The following OTOGL variants were observed in gnomAD, a reference collection of about 807,000 sequenced individuals.
OTOGL encodes the protein otogelin like.
In OTOGL, 285 loss-of-function variants were observed where a neutral mutation model predicts 318.5. That is an observed-to-expected ratio of 0.89 (90% CI 0.81 to 0.99). The LOEUF (loss-of-function observed/expected upper bound fraction) is 0.99. Among genes scored for constraint, OTOGL ranks in the 50% least tolerant of loss-of-function variants. The probability of loss-of-function intolerance (pLI) is 0.00; values close to 1 mark genes in which losing one functional copy is unlikely to be tolerated. For synonymous variants in OTOGL, 987 were observed against 936.5 expected (o/e 1.05, Z -0.99); for missense variants, 2,899 against 2,845.6 (o/e 1.02, Z -0.43).
intron 19 of OTOGL, 141 bp downstream of exon 19, chr12:80,262,234 T>G (rs764971304): frequency 4.5e-5 from 43 of 951,360 alleles, no homozygotes; most frequent in Non-Finnish European, 5.9e-5. Flanking sequence ...CGTGTATTTT[T>G]TTTTTGCTTA....
intron 4 of OTOGL, among the ~76,000 whole-genome samples, chr12:80,212,764 T>C (rs1877364978): frequency 6.6e-6 from 1 of 152,198 alleles, no homozygotes; most frequent in African/African-American, 2.4e-5. Flanking sequence ...ATAGTTTTTA[T>C]TAGCGTTTTG....
chr12:80,319,123 G>A (rs574166389), intron 33 of OTOGL, among the ~76,000 whole-genome samples: 58 of 152,278 alleles, frequency 3.8e-4, no homozygotes, highest in African/African-American at 1.4e-3. Flanking sequence ...ATAAATCAGA[G>A]TGTAGACAGT....
chr12:80,343,265 G>T (rs1888901155), intron 44 of OTOGL, among the ~76,000 whole-genome samples: 1 of 152,004 alleles, frequency 6.6e-6, no homozygotes, highest in Admixed American at 6.6e-5. Context: ...ACAATGCAAT[G>T]GTCCCTCAGT....
intron 26 of OTOGL, among the ~76,000 whole-genome samples, chr12:80,292,111 C>T (rs2137685386): frequency 6.6e-6 from 1 of 152,190 alleles, no homozygotes; most frequent in African/African-American, 2.4e-5. Context: ...GCTTCAACCT[C>T]CCAAGTAGCT....
intron 20 of OTOGL, chr12:80,265,431 A>G (rs992189911): frequency 1.6e-5 from 9 of 549,928 alleles, no homozygotes; most frequent in South Asian, 2.3e-5. Flanking sequence ...GTAATAAACG[A>G]AATTATTGTA....
At chr12:80,223,200 G>C (rs112953423) in intron 7 of OTOGL, among the ~76,000 whole-genome samples, 3,365 of 151,878 alleles carry the variant, frequency 0.022, 132 homozygotes, top group African/African-American at 0.076. Flanking sequence ...CAGGTTGCTG[G>C]AAATGCCATT....
At chr12:80,157,969 A>G (rs1332117108) in intron 1 of OTOGL, among the ~76,000 whole-genome samples, 1 of 152,064 alleles carries the variant, frequency 6.6e-6, no homozygotes, top group African/African-American at 2.4e-5. Flanking sequence ...TGTGAAAAAA[A>G]TTTTTAATCT....
intron 18 of OTOGL, among the ~76,000 whole-genome samples, chr12:80,260,464 C>T (rs182371495): frequency 5.3e-4 from 81 of 152,150 alleles, no homozygotes; most frequent in South Asian, 8.3e-4. Flanking sequence ...CACCAGTCCC[C>T]GCCACGTGTA....
At chr12:80,301,863 T>A (rs1417979907) in intron 27 of OTOGL, among the ~76,000 whole-genome samples, 5 of 152,314 alleles carry the variant, frequency 3.3e-5, no homozygotes, top group Non-Finnish European at 7.3e-5. Flanking sequence ...TCATGCCTTT[T>A]ACTCACAAAT....
At position 80,302,530 on chromosome 12, in the gene OTOGL, T is replaced by G; in HGVS notation, c.3064-104T>G. 2 of 731,212 alleles carry G rather than the reference T, an allele frequency of 2.7e-6. 1 individual carries two copies. Among genetic ancestry groups the G allele is most frequent in the Non-Finnish European group, 3.8e-6 (2 of 526,422 alleles). The allele number at this position is 731,212 out of a possible 1,614,324, so 45.3% of individuals were successfully genotyped here. On this transcript the variant is annotated intron_variant, in intron 27 of 58. Coordinates refer to ENST00000547103, the MANE Select transcript of OTOGL (RefSeq NM_001378609.3). ...GAAAAGGCATGACCATGCAACAATA[T>G]TAGTACATAAATAGTTGTTGGTAAA...
chr12:80,114,508 T>C (rs1284672541), intron 1 of OTOGL, among the ~76,000 whole-genome samples: 1 of 152,208 alleles, frequency 6.6e-6, no homozygotes, highest in Non-Finnish European at 1.5e-5. Flanking sequence ...CTTCCCTTTG[T>C]GGGTAACCTG....
At chr12:80,176,076 C>T (rs1874505343) in intron 1 of OTOGL, among the ~76,000 whole-genome samples, 1 of 152,148 alleles carries the variant, frequency 6.6e-6, no homozygotes, top group African/African-American at 2.4e-5. Flanking sequence ...CAGTTTTCTA[C>T]TCTGCTATAA....
At chr12:80,256,195 A>G in intron 16 of OTOGL, 142 bp from the exon 17 acceptor site, 1 of 1,018,668 alleles carries the variant, frequency 9.8e-7, no homozygotes, top group Non-Finnish European at 1.4e-6. Flanking sequence ...TAGAAATTCT[A>G]ATTTATATGC....
intron 7 of OTOGL, among the ~76,000 whole-genome samples, chr12:80,227,644 C>T (rs146310155): frequency 8.5e-5 from 13 of 152,192 alleles, no homozygotes; most frequent in African/African-American, 2.4e-4. Context: ...TTTTGTTTCC[C>T]GAAAGAAGAA....
intron 52 of OTOGL, among the ~76,000 whole-genome samples, chr12:80,362,759 A>G (rs1890310240): frequency 6.6e-6 from 1 of 152,180 alleles, no homozygotes; most frequent in Non-Finnish European, 1.5e-5. Context: ...TAGGTTAACA[A>G]TAATGGATGA....
intron 7 of OTOGL, among the ~76,000 whole-genome samples, chr12:80,223,489 C>A (rs997343652): frequency 6.6e-6 from 1 of 151,908 alleles, no homozygotes; most frequent in Non-Finnish European, 1.5e-5. Flanking sequence ...ACTTTTAGTT[C>A]TTTCAGGAAT....
In OTOGL at chr12:80,337,004, G is replaced by A. The variant is rs753442959; in HGVS notation, c.4860G>A (p.Lys1620=). 41 of 1,561,500 alleles carry A rather than the reference G, an allele frequency of 2.6e-5. No individual in the cohort carries two copies. The highest frequency in any genetic ancestry group is 2.7e-5 in the African/African-American group (2 of 73,376). ...HKIIVNRLAR[K]VEVDSIVVPL... is the part of the protein sequence containing the mutation. ...TAATTGTCAATCGGTTGGCAAGAAA[G>A]GTAAGAATACAAAGTTAAAATTTTT... Residue 1620 remains lysine (K), a splice_region_variant and synonymous_variant, in exon 42 of 59, where the codon AAG becomes AAA. Coordinates refer to ENST00000547103, the MANE Select transcript of OTOGL (RefSeq NM_001378609.3).
chr12:80,313,662 T>C, intron 31 of OTOGL, 30 bp downstream of exon 31: 1 of 1,549,778 alleles, frequency 6.5e-7, no homozygotes. Context: ...CATCATTATG[T>C]AGAGAACTGA....
At chr12:80,117,165 G>C (rs1383392309) in intron 1 of OTOGL, among the ~76,000 whole-genome samples, 4 of 152,064 alleles carry the variant, frequency 2.6e-5, no homozygotes, top group Non-Finnish European at 2.9e-5. Context: ...TGTCATGTAA[G>C]TTATATCTGA....
Sources: allele counts gnomAD v4.1 joint callset (sites outside exome capture counted in the v4.1 genomes callset), GRCh38; gene constraint gnomAD v4.1.1; transcripts MANE v1.5; gene names NCBI Gene and HGNC (gene_info 2026-07-23, HGNC 2026-07-21).